Variants in MAF observed in about 807,000 individuals in gnomAD.
MAF encodes transcription factor Maf.
A neutral mutation model predicts 22.0 loss-of-function variants in MAF; 10 were observed. The observed-to-expected ratio is 0.45, with a 90% CI of 0.28 to 0.77. MAF has a LOEUF of 0.77. Ranked by LOEUF, MAF falls within the 30% of genes least tolerant of loss-of-function variation. The probability of loss-of-function intolerance (pLI) is 0.12; values close to 1 mark genes in which losing one functional copy is unlikely to be tolerated. For synonymous variants in MAF, 337 were observed against 255.8 expected (o/e 1.32, Z -3.03); for missense variants, 544 against 548.4 (o/e 0.99, Z 0.08).
At chr16:79,245,494 A>C in the MAF span, among the ~76,000 whole-genome samples, 1 of 152,152 alleles carries the variant, frequency 6.6e-6, no homozygotes, top group South Asian at 2.1e-4. Flanking sequence ...ATGCAAATTG[A>C]AACCACAATG....
the MAF span, among the ~76,000 whole-genome samples, chr16:79,302,401 G>T: frequency 6.6e-6 from 1 of 151,918 alleles, no homozygotes; most frequent in Non-Finnish European, 1.5e-5. Flanking sequence ...TGGTCAGTGT[G>T]AAAACGACTC....
chr16:79,351,893 C>T, the MAF span, among the ~76,000 whole-genome samples: 3 of 152,052 alleles, frequency 2.0e-5, no homozygotes, highest in Non-Finnish European at 4.4e-5. Context: ...ACTTTGTTAC[C>T]CCTGGAAAAA....
rs1913816037 is a variant in MAF at position 79,599,222 on chromosome 16, G to A, written c.681C>T (p.Gly227=). The change falls in exon 1 of 2, where the codon GGC becomes GGT. Residue 227 remains glycine (G), a synonymous_variant. Coordinates refer to ENST00000326043, the MANE Select transcript of MAF (RefSeq NM_005360.5). ...CGCCTCCGCCGCCGCCGCCGCCGCCGCCGCCCCCAGCGCTGGCCGGGCCAC... is the reference window on the plus strand; with the variant it reads ...CGCCTCCGCCGCCGCCGCCGCCGCCACCGCCCCCAGCGCTGGCCGGGCCAC... ...GGGGPASAGG[G]GGGGGGGGGG... The A allele has an allele frequency of 2.0e-6, 2 of 978,408 alleles. No homozygotes were observed. The highest frequency in any genetic ancestry group is 4.6e-5 in the South Asian group (1 of 21,618). The allele number at this position is 978,408 out of a possible 1,614,324, so 60.6% of individuals were successfully genotyped here. A position where few individuals can be genotyped will look rare whatever the true frequency, so the allele number is the denominator to read the frequency against.
At chr16:79,282,130 G>A in the MAF span, among the ~76,000 whole-genome samples, 3 of 152,014 alleles carry the variant, frequency 2.0e-5, no homozygotes, top group South Asian at 4.1e-4. Flanking sequence ...GTGAAACCCC[G>A]TCTCTACTAA....
the MAF span, chr16:79,204,825 C>G: frequency 7.9e-5 from 12 of 152,220 alleles, no homozygotes; most frequent in African/African-American, 1.4e-4. Context: ...TTCTTTCCAG[C>G]TTTCCATCCT....
chr16:79,444,128 G>T, the MAF span, among the ~76,000 whole-genome samples: 1 of 151,898 alleles, frequency 6.6e-6, no homozygotes, highest in Non-Finnish European at 1.5e-5. Context: ...AATATTAAAT[G>T]GGTAAAGCAA....
the MAF span, among the ~76,000 whole-genome samples, chr16:79,291,160 G>A: frequency 4.6e-5 from 7 of 152,240 alleles, no homozygotes; most frequent in South Asian, 8.3e-4. Flanking sequence ...TGGGGCCGTC[G>A]TCTGCTGGTC....
chr16:79,557,264 G>A, the MAF span, among the ~76,000 whole-genome samples: 344 of 152,058 alleles, frequency 2.3e-3, 1 homozygote, highest in Middle Eastern at 3.4e-3. Flanking sequence ...GTAATTTCCC[G>A]AAGTTTCTGT....
the MAF span, among the ~76,000 whole-genome samples, chr16:79,419,047 A>T: frequency 2.0e-5 from 3 of 152,334 alleles, no homozygotes; most frequent in South Asian, 6.2e-4. Flanking sequence ...AGTTTTCATA[A>T]ATGTCAGCAG....
chr16:79,207,038 C>A, the MAF span, among the ~76,000 whole-genome samples: 1 of 152,112 alleles, frequency 6.6e-6, no homozygotes. Flanking sequence ...GACCTCTGCA[C>A]TGTTCTGGGA....
At position 79,599,108 on chromosome 16, in the gene MAF, C is replaced by T; in HGVS notation, c.795G>A (p.Gln265=). The change falls in exon 1 of 2, where the codon CAG becomes CAA. Residue 265 remains glutamine (Q), a synonymous_variant. Transcript: ENST00000326043. Reference sequence around the variant, plus strand: ...GCTCGCGCACAGACATGGTCACCAGCTGCTCGTCGGAGAAGCGGTCGTCGA... The same window carrying T: ...GCTCGCGCACAGACATGGTCACCAGTTGCTCGTCGGAGAAGCGGTCGTCGA... The part of the protein sequence containing the change: ...LHFDDRFSDE[Q]LVTMSVRELN... 1 of 1,603,056 alleles carries T rather than the reference C, an allele frequency of 6.2e-7. No individual in the cohort carries two copies. The highest frequency in any genetic ancestry group is 1.1e-5 in the South Asian group (1 of 90,538).
chr16:79,348,909 TG>T, the MAF span, among the ~76,000 whole-genome samples: 1 of 152,208 alleles, frequency 6.6e-6, no homozygotes, highest in Non-Finnish European at 1.5e-5. Context: ...GTGACCCAGC[TG>T]GTTGACCTCA....
the MAF span, among the ~76,000 whole-genome samples, chr16:79,386,286 T>C: frequency 2.0e-5 from 3 of 152,326 alleles, no homozygotes; most frequent in South Asian, 6.2e-4. Context: ...GCCTTGAGCT[T>C]GTCTTCCTGC....
chr16:79,521,810 A>G, the MAF span, among the ~76,000 whole-genome samples: 1 of 152,238 alleles, frequency 6.6e-6, no homozygotes, highest in African/African-American at 2.4e-5. Flanking sequence ...TTCTATGTGA[A>G]AAAGACACCA....
chr16:79,511,813 A>T, the MAF span, among the ~76,000 whole-genome samples: 5 of 152,206 alleles, frequency 3.3e-5, no homozygotes, highest in African/African-American at 7.2e-5. Flanking sequence ...CTCACACTAG[A>T]ACCAACATTG....
Position 79,595,865 on chromosome 16 carries a change from T to C in MAF, c.1119-1312A>G, listed in dbSNP as rs932120245. The C allele has an allele frequency of 1.0e-5, 11 of 1,058,720 alleles. No individual in the cohort carries two copies. In the African/African-American group the frequency reaches 1.5e-4, roughly 14 times the overall value. 65.6% of individuals were successfully genotyped at this position (1,058,720 alleles called of 1,614,324 possible). On this transcript the variant is annotated intron_variant, in intron 1 of 1. Coordinates refer to ENST00000326043, the MANE Select transcript of MAF (RefSeq NM_005360.5). ...TAAACCAGATATGTACTTGGAAATA[T>C]GGAAGTAAGGAGTGGATTTTCTTTT...
the MAF span, chr16:79,211,595 C>G: frequency 6.2e-7 from 1 of 1,614,018 alleles, no homozygotes; most frequent in East Asian, 2.2e-5. Context: ...TGTCTTTCTT[C>G]TTGGATTTCC....
the MAF span, among the ~76,000 whole-genome samples, chr16:79,247,320 T>A: frequency 0.12 from 18,210 of 152,226 alleles, 1,367 homozygotes; most frequent in Middle Eastern, 0.2. Flanking sequence ...AGAACAGAAA[T>A]GAATATGGAT....
the MAF span, among the ~76,000 whole-genome samples, chr16:79,240,906 G>A: frequency 1.3e-5 from 2 of 152,034 alleles, no homozygotes; most frequent in African/African-American, 4.8e-5. Context: ...GGCAAACAGG[G>A]TCTGGAGTGG....
Sources: gnomAD v4.1 joint callset for allele counts (sites outside exome capture counted in the v4.1 genomes callset) on GRCh38, gnomAD v4.1.1 for gene constraint, MANE v1.5 for transcripts, NCBI Gene and HGNC (gene_info 2026-07-23, HGNC 2026-07-21) for gene names.